The following FRS2 variants were observed in gnomAD, a reference collection of about 807,000 sequenced individuals.
The protein encoded by FRS2 is fibroblast growth factor receptor substrate 2, also known as FGFR signalling adaptor.
FRS2 carries 8 observed loss-of-function variants against 43.9 expected under a neutral mutation model. The observed-to-expected ratio is 0.18, with a 90% CI of 0.11 to 0.33. FRS2 has a LOEUF of 0.33. Among genes scored for constraint, FRS2 ranks in the 10% least tolerant of loss-of-function variants. FRS2 has a pLI of 1.00. For missense variants in FRS2, 534 were observed against 627.6 expected (o/e 0.85, Z 1.59); for synonymous variants, 219 against 220.3 (o/e 0.99, Z 0.05).
intron 3 of FRS2, among the ~76,000 whole-genome samples, chr12:69,558,163 G>A (rs551143413): frequency 6.6e-5 from 10 of 152,218 alleles, no homozygotes; most frequent in Admixed American, 3.3e-4. Flanking sequence ...GGAATCTGAC[G>A]TTCAGGTCAT....
At chr12:69,482,613 G>A (rs1871443114) in intron 1 of FRS2, among the ~76,000 whole-genome samples, 1 of 152,214 alleles carries the variant, frequency 6.6e-6, no homozygotes, top group South Asian at 2.1e-4. Flanking sequence ...GCACAGTCCA[G>A]AGGTAATAAG....
At chr12:69,499,140 TATG>T (rs963278818) in intron 1 of FRS2, among the ~76,000 whole-genome samples, 19 of 151,692 alleles carry the variant, frequency 1.3e-4, no homozygotes, top group African/African-American at 4.6e-4. Context: ...AGGCAACTCT[TATG>T]ATTATAGTCA....
chr12:69,570,658 G>A (rs1880677754), intron 6 of FRS2, 141 bp downstream of exon 6: 1 of 587,412 alleles, frequency 1.7e-6, no homozygotes, highest in Non-Finnish European at 3.0e-6. Flanking sequence ...ATAGTATACT[G>A]TGTATTAATT....
At chr12:69,572,393 A>G (rs1191880760) in intron 8 of FRS2, 112 bp downstream of exon 8, 1 of 856,938 alleles carries the variant, frequency 1.2e-6, no homozygotes. Context: ...TCTGTTTGTA[A>G]ATTACTTTTG....
At chr12:69,488,626 C>T (rs1441968541) in intron 1 of FRS2, among the ~76,000 whole-genome samples, 2 of 152,104 alleles carry the variant, frequency 1.3e-5, no homozygotes, top group African/African-American at 4.8e-5. Flanking sequence ...TAAAATCCTT[C>T]CACGTTTTCA....
intron 1 of FRS2, among the ~76,000 whole-genome samples, chr12:69,515,554 A>G (rs1874910486): frequency 6.6e-6 from 1 of 152,034 alleles, no homozygotes. Flanking sequence ...AGGGAAAAAC[A>G]TCCCTCGCGC....
At chr12:69,484,592 G>T (rs1427893615) in intron 1 of FRS2, among the ~76,000 whole-genome samples, 2 of 152,136 alleles carry the variant, frequency 1.3e-5, no homozygotes, top group African/African-American at 4.8e-5. Context: ...TGTTCAAAGA[G>T]CTGCTGCTCC....
rs191947622 is a variant in FRS2, at chr12:69,546,791, G to A, written c.-122+14735G>A. On this transcript the variant is annotated intron_variant, in intron 3 of 8. Coordinates refer to ENST00000549921, the MANE Select transcript of FRS2 (RefSeq NM_001278356.2). Reference sequence around the variant, plus strand: ...GCACTGTCGGTGAGAATATAAAATGGTACAGTTTCTGTGGAAAAGAGTATG... The same window carrying A: ...GCACTGTCGGTGAGAATATAAAATGATACAGTTTCTGTGGAAAAGAGTATG... 2.6e-5 allele frequency among the ~76,000 whole-genome samples: 4 copies of A among 152,264 alleles called. No individual in the cohort carries two copies. In the East Asian group the frequency reaches 7.7e-4, roughly 29 times the overall value.
Position 69,574,111 on chromosome 12 carries a change from C to A in FRS2, c.683C>A (p.Pro228Gln). The A allele has an allele frequency of 1.2e-6, 2 of 1,613,978 alleles. No individual in the cohort carries two copies. The highest frequency in any genetic ancestry group is 1.1e-5 in the South Asian group (1 of 91,080). Residue 228 changes from proline to glutamine, a missense_variant, in exon 9 of 9, where the codon CCA becomes CAA. Physicochemically the swap from Pro to Gln is moderately conservative, Grantham distance 76. Transcript: ENST00000549921. ...GTTTCTAACGCTGAAAGCAGCACAC[C>A]AAAAGAAGAACCAAGTAGTATTGAG... Reference protein sequence around the residue: ...ARVSNAESSTPKEEPSSIEDR... With the variant: ...ARVSNAESSTQKEEPSSIEDR...
At chr12:69,530,218 A>G (rs1319725760) in intron 1 of FRS2, among the ~76,000 whole-genome samples, 2 of 152,188 alleles carry the variant, frequency 1.3e-5, no homozygotes, top group Non-Finnish European at 2.9e-5. Context: ...GTTTATAATA[A>G]ATAAGCAATT....
chr12:69,568,559 CTCTCTCTCTCTCTCTG>C lies in FRS2; in HGVS notation c.-26-432_-26-417del, dbSNP rs1247778510. On this transcript the variant is annotated intron_variant, in intron 4 of 8. Coordinates refer to ENST00000549921, the MANE Select transcript of FRS2 (RefSeq NM_001278356.2). The stretch of plus-strand genomic sequence containing the variant: ...CCTGTCTCTGTGTCTCTGGCTGTCT[CTCTCTCTCTCTCTCTG>C]TCTCTCTCTCTCTGTCCCTCTCTGT... Among the ~76,000 whole-genome samples, 16 of 151,552 alleles carry C rather than the reference CTCTCTCTCTCTCTCTG, an allele frequency of 1.1e-4. 1 individual carries two copies. The highest frequency in any genetic ancestry group is 5.9e-4 in the Admixed American group (9 of 15,192).
rs764482280 is a variant in FRS2 at position 69,574,804 on chromosome 12, C to G, written c.1376C>G (p.Pro459Arg). The G allele has an allele frequency of 6.2e-7, 1 of 1,614,098 alleles. No individual in the cohort carries two copies. The highest frequency in any genetic ancestry group is 8.5e-7 in the Non-Finnish European group (1 of 1,180,020). Residue 459 changes from proline to arginine, a missense_variant, in exon 9 of 9, where the codon CCC becomes CGC. Pro to Arg is a moderately radical substitution (Grantham distance 103). Around this residue, in one of 3 missense-constraint regions of FRS2, gnomAD observed 446 missense variants for 494.2 expected, o/e 0.90. Coordinates refer to ENST00000549921, the MANE Select transcript of FRS2 (RefSeq NM_001278356.2). ...NPQTPKTPTT[P>R]LPQTPTRRTE... ...CAGACTCCAAAAACGCCTACAACTC[C>G]CCTTCCACAAACCCCTACCAGGCGC...
At position 69,570,647 on chromosome 12, in the gene FRS2, T is replaced by C. The variant is rs960663431; in HGVS notation, c.253+130T>C. On this transcript the variant is annotated intron_variant, in intron 6 of 8. Transcript: ENST00000549921. ...AAATAAACAGATTGTTAAGGAAAGA[T>C]ATAGTATACTGTGTATTAATTTATC... 6.4e-6 allele frequency: 4 copies of C among 621,294 alleles called. No homozygotes were observed. In the African/African-American group the frequency reaches 7.4e-5, roughly 11 times the overall value. The allele number at this position is 621,294 out of a possible 1,614,324, so 38.5% of individuals were successfully genotyped here.
At chr12:69,500,240 A>T (rs1252496011) in intron 1 of FRS2, among the ~76,000 whole-genome samples, 9 of 152,154 alleles carry the variant, frequency 5.9e-5, no homozygotes. Flanking sequence ...ACAACAAACG[A>T]CATGAAGATA....
At chr12:69,502,073 C>A (rs1873502957) in intron 1 of FRS2, among the ~76,000 whole-genome samples, 1 of 151,944 alleles carries the variant, frequency 6.6e-6, no homozygotes, top group South Asian at 2.1e-4. Context: ...TTAAGCAATT[C>A]TTCTGCCTCA....
At chr12:69,547,048 A>C (rs1878471999) in intron 3 of FRS2, among the ~76,000 whole-genome samples, 1 of 152,220 alleles carries the variant, frequency 6.6e-6, no homozygotes, top group African/African-American at 2.4e-5. Context: ...AAGGAAGGAA[A>C]TTCTGTAATA....
intron 3 of FRS2, among the ~76,000 whole-genome samples, chr12:69,544,143 ACTT>A (rs1219467667): frequency 1.3e-5 from 2 of 151,206 alleles, no homozygotes; most frequent in Non-Finnish European, 2.9e-5. Context: ...TTAACAGAAA[ACTT>A]CTTAAAAATG....
intron 3 of FRS2, among the ~76,000 whole-genome samples, chr12:69,558,974 C>G (rs1373786941): frequency 6.6e-6 from 1 of 152,040 alleles, no homozygotes; most frequent in Non-Finnish European, 1.5e-5. Context: ...TACTAAGTAA[C>G]CTTTTGTTAG....
At chr12:69,502,403 T>TC (rs972083833) in intron 1 of FRS2, among the ~76,000 whole-genome samples, 8 of 150,410 alleles carry the variant, frequency 5.3e-5, no homozygotes, top group Non-Finnish European at 1.0e-4. Context: ...TAATTTTTAA[T>TC]TTTTTTTTTA....
Sources: gnomAD v4.1 joint callset for allele counts (sites outside exome capture counted in the v4.1 genomes callset) on GRCh38, gnomAD v4.1.1 for gene constraint, gnomAD v4.1.1 regional missense constraint, MANE v1.5 for transcripts, NCBI Gene and HGNC (gene_info 2026-07-23, HGNC 2026-07-21) for gene names.